INO80: variants seen among roughly 807,000 people sequenced by gnomAD.
The protein encoded by INO80 is INO80 complex ATPase subunit, also known as chromatin-remodeling ATPase INO80.
INO80 carries 20 observed loss-of-function variants against 203.4 expected under a neutral mutation model. The ratio of observed to expected loss-of-function variants is 0.10; its 90% confidence interval spans 0.07 to 0.14. The LOEUF is 0.14. Among genes scored for constraint, INO80 ranks in the 10% least tolerant of loss-of-function variants. INO80 has a pLI of 1.00. For missense variants in INO80, 1,419 were observed against 1,914.4 expected, an observed-to-expected ratio of 0.74 and a Z score of 4.83; for synonymous variants, 726 against 685.2, an observed-to-expected ratio of 1.06 and a Z score of -0.93.
chr15:41,055,414 C>T lies in INO80; in HGVS notation c.2071-50G>A, dbSNP rs200851603. 948 of 1,247,672 alleles carry T rather than the reference C, an allele frequency of 7.6e-4. 1 individual carries two copies. Among genetic ancestry groups the T allele is most frequent in the Non-Finnish European group, 9.9e-4 (858 of 869,958 alleles). The allele number at this position is 1,247,672 out of a possible 1,614,324, so 77.3% of individuals were successfully genotyped here. On this transcript the variant is annotated intron_variant, in intron 17 of 35. Coordinates refer to ENST00000648947, the MANE Select transcript of INO80 (RefSeq NM_017553.3). ...TAGCTATAGAGCAATAAAATGACAG[C>T]GTGTAAGGATGTATTAGATAGAGAA...
chr15:41,025,607 T>TG (rs890466305), intron 25 of INO80, among the ~76,000 whole-genome samples: 7 of 152,174 alleles, frequency 4.6e-5, no homozygotes, highest in Admixed American at 6.5e-5. Context: ...CCCAGCTACC[T>TG]GGGGGGCTGA....
intron 14 of INO80, among the ~76,000 whole-genome samples, chr15:41,068,135 G>T (rs553522542): frequency 6.6e-6 from 1 of 152,198 alleles, no homozygotes; most frequent in Admixed American, 6.5e-5. Flanking sequence ...TTAAGAAAAT[G>T]AACTGGCTGG....
At chr15:41,104,433 T>C (rs1276089624) in intron 1 of INO80, among the ~76,000 whole-genome samples, 2 of 152,160 alleles carry the variant, frequency 1.3e-5, no homozygotes, top group African/African-American at 4.8e-5. Context: ...GGTAAATGTA[T>C]GCTTCAGAAT....
At chr15:40,994,239 G>C (rs1397199189) in intron 29 of INO80, among the ~76,000 whole-genome samples, 1 of 152,114 alleles carries the variant, frequency 6.6e-6, no homozygotes, top group African/African-American at 2.4e-5. Context: ...ACTTTCTTCA[G>C]ATCTTGGCTC....
At chr15:40,993,734 G>C (rs185498836) in intron 29 of INO80, among the ~76,000 whole-genome samples, 1 of 151,852 alleles carries the variant, frequency 6.6e-6, no homozygotes, top group Admixed American at 6.6e-5. Context: ...ACTCCAGCCT[G>C]AATGACAGAG....
chr15:41,015,123 A>C (rs1028830205), intron 27 of INO80, among the ~76,000 whole-genome samples: 6 of 152,218 alleles, frequency 3.9e-5, no homozygotes, highest in African/African-American at 9.6e-5. Context: ...TTAAAAAATA[A>C]GTCACCACTC....
chr15:41,091,301 C>G lies in INO80; in HGVS notation c.537+726G>C, dbSNP rs551441041. 9.2e-4 allele frequency among the ~76,000 whole-genome samples: 140 copies of G among 151,936 alleles called. No individual in the cohort carries two copies. The Middle Eastern group carries it at 0.01, about 11-fold the overall frequency. Reference sequence around the variant, plus strand: ...GCTCGAACTCCTGACCTCAACTGATCTGCCCACTTCAGCCTCCCAAAGTGC... The same window carrying G: ...GCTCGAACTCCTGACCTCAACTGATGTGCCCACTTCAGCCTCCCAAAGTGC... On this transcript the variant is annotated intron_variant, in intron 5 of 35. Transcript: ENST00000648947.
chr15:41,032,425 T>C (rs1275832482), intron 24 of INO80, among the ~76,000 whole-genome samples: 3 of 152,106 alleles, frequency 2.0e-5, no homozygotes, highest in Non-Finnish European at 4.4e-5. Context: ...AGAAACACAA[T>C]AGTTTCCCAG....
chr15:40,983,913 G>C lies in INO80; in HGVS notation c.4086C>G (p.Ile1362Met), dbSNP rs754391298. ...TGGAGCCAGTGTGCAGCTCACTGCT[G>C]ATGGAGATCTAGAAGAGGAAGGGTT... is the stretch of plus-strand genomic sequence containing the variant. ...AMPSPFSEISISSELHTGSIP... is the reference protein window; with the variant it reads ...AMPSPFSEISMSSELHTGSIP... The change falls in exon 34 of 36, where the codon ATC becomes ATG. Residue 1362 changes from isoleucine (I) to methionine (M), a missense_variant. Transcript: ENST00000648947. 3.1e-6 allele frequency: 5 copies of C among 1,613,444 alleles called. No homozygotes were observed. Among genetic ancestry groups the C allele is most frequent in the Non-Finnish European group, 2.5e-6 (3 of 1,179,952 alleles).
At chr15:41,098,712 C>A (rs530853631) in intron 1 of INO80, among the ~76,000 whole-genome samples, 5 of 152,116 alleles carry the variant, frequency 3.3e-5, no homozygotes, top group Admixed American at 2.0e-4. Context: ...ACTTGCAAAT[C>A]ATCTATCTGA....
intron 29 of INO80, 46 bp downstream of exon 29, chr15:40,997,483 T>A (rs749430456): frequency 2.0e-5 from 25 of 1,253,490 alleles, no homozygotes; most frequent in Non-Finnish European, 2.7e-5. Flanking sequence ...GTAGGTTTCA[T>A]AGTAGAAAAC....
chr15:41,104,591 G>A (rs2045856350), intron 1 of INO80, among the ~76,000 whole-genome samples: 2 of 151,982 alleles, frequency 1.3e-5, no homozygotes, highest in Admixed American at 6.6e-5. Context: ...AGGCTGGAGT[G>A]CAGTGGTCCA....
chr15:40,997,709 G>A, intron 28 of INO80, 108 bp from the exon 29 acceptor site: 1 of 728,516 alleles, frequency 1.4e-6, no homozygotes, highest in Admixed American at 2.0e-5. Context: ...GGACTAAAAA[G>A]AGTTTTGGTG....
At chr15:41,115,936 C>T (rs1596338380) in intron 1 of INO80, 37 bp downstream of exon 1, 3 of 384,552 alleles carry the variant, frequency 7.8e-6, no homozygotes, top group East Asian at 3.7e-5. Context: ...CTACACAACC[C>T]CCACTCCGTT....
intron 15 of INO80, 70 bp from the exon 16 acceptor site, chr15:41,058,851 C>CTG: frequency 6.7e-7 from 1 of 1,491,672 alleles, no homozygotes; most frequent in African/African-American, 1.4e-5. Flanking sequence ...GATGTATGGA[C>CTG]TGTTTTTCTA....
At chr15:41,092,447 T>A (rs986282286) in intron 4 of INO80, among the ~76,000 whole-genome samples, 2 of 152,082 alleles carry the variant, frequency 1.3e-5, no homozygotes, top group African/African-American at 4.8e-5. Flanking sequence ...TACAAAAGTA[T>A]AAATAATACA....
chr15:41,073,607 G>T lies in INO80; in HGVS notation c.1328-112C>A, dbSNP rs2045357503. ...ATTCCCTCATTCTACTTATCCCTGGGTTCACGGAGGGTGGGGGAAGAGAAA... is the reference window on the plus strand; with the variant it reads ...ATTCCCTCATTCTACTTATCCCTGGTTTCACGGAGGGTGGGGGAAGAGAAA... On this transcript the variant is annotated intron_variant, in intron 10 of 35. Transcript: ENST00000648947. The T allele has an allele frequency of 1.1e-5, 10 of 882,352 alleles. No individual in the cohort carries two copies. The Admixed American group carries it at 1.8e-4, about 16-fold the overall frequency. The allele number at this position is 882,352 out of a possible 1,614,324, so 54.7% of individuals were successfully genotyped here.
chr15:41,047,630 T>G (rs541526738), intron 22 of INO80, 129 bp from the exon 23 acceptor site: 1 of 629,784 alleles, frequency 1.6e-6, no homozygotes, highest in Non-Finnish European at 2.7e-6. Flanking sequence ...TCTAGCCACT[T>G]TGGTGCAAGT....
At chr15:40,985,262 C>G in intron 32 of INO80, 76 bp downstream of exon 32, 2 of 983,818 alleles carry the variant, frequency 2.0e-6, no homozygotes, top group Non-Finnish European at 3.3e-6. Context: ...AGATGAGAAG[C>G]CATGTACCCC....
Sources: allele counts gnomAD v4.1 joint callset (sites outside exome capture counted in the v4.1 genomes callset), GRCh38; gene constraint gnomAD v4.1.1; transcripts MANE v1.5; gene names NCBI Gene and HGNC (gene_info 2026-07-23, HGNC 2026-07-21).